RANBP2: variants seen among roughly 807,000 people sequenced by gnomAD.
RANBP2 encodes E3 SUMO-protein ligase RanBP2.
A neutral mutation model predicts 303.6 loss-of-function variants in RANBP2; 57 were observed. The observed-to-expected ratio is 0.19, with a 90% CI of 0.15 to 0.23. The LOEUF is 0.23. Among genes scored for constraint, RANBP2 ranks in the 10% least tolerant of loss-of-function variants. RANBP2 has a pLI of 1.00. For synonymous variants in RANBP2, 1,167 were observed against 1,301.5 expected (o/e 0.90, Z 2.23); for missense variants, 3,138 against 3,780.8 (o/e 0.83, Z 4.46).
chr2:109,041,685 CTTTTT>C, the RANBP2 span, among the ~76,000 whole-genome samples: 5 of 82,046 alleles, frequency 6.1e-5, no homozygotes, highest in African/African-American at 2.3e-4. Flanking sequence ...CCATGCCCGG[CTTTTT>C]TTTTTTTTTT....
the RANBP2 span, among the ~76,000 whole-genome samples, chr2:109,452,639 GAGA>G: frequency 6.6e-6 from 1 of 152,200 alleles, no homozygotes; most frequent in Non-Finnish European, 1.5e-5. Context: ...CCTGTGTGTG[GAGA>G]AGGAAGAAGC....
At chr2:109,727,761 C>A in the RANBP2 span, among the ~76,000 whole-genome samples, 9 of 152,186 alleles carry the variant, frequency 5.9e-5, no homozygotes, top group Non-Finnish European at 1.3e-4. Context: ...AATAATTAAT[C>A]CAGATGCCTG....
chr2:109,508,869 G>A, the RANBP2 span, among the ~76,000 whole-genome samples: 1 of 152,212 alleles, frequency 6.6e-6, no homozygotes, highest in Non-Finnish European at 1.5e-5. Flanking sequence ...CGTGTGGGTA[G>A]TCATGGACTC....
the RANBP2 span, among the ~76,000 whole-genome samples, chr2:109,472,084 T>G: frequency 6.6e-6 from 1 of 152,254 alleles, no homozygotes; most frequent in African/African-American, 2.4e-5. Flanking sequence ...TCCCATCCTT[T>G]TCTAATTATT....
chr2:108,812,562 T>C, the RANBP2 span: 1 of 1,146,166 alleles, frequency 8.7e-7, no homozygotes, highest in Non-Finnish European at 1.3e-6. Flanking sequence ...AGATAGTAGA[T>C]TGGGAAACCC....
the RANBP2 span, among the ~76,000 whole-genome samples, chr2:109,535,793 G>T: frequency 6.6e-6 from 1 of 152,182 alleles, no homozygotes; most frequent in Non-Finnish European, 1.5e-5. Context: ...GTACACACAA[G>T]TAAATGTCAG....
the RANBP2 span, among the ~76,000 whole-genome samples, chr2:109,088,827 A>G: frequency 6.6e-5 from 10 of 152,196 alleles, no homozygotes; most frequent in Non-Finnish European, 1.5e-4. Flanking sequence ...TGTCTTTAGT[A>G]AAAGAAAAAA....
the RANBP2 span, chr2:109,545,302 G>A: frequency 2.1e-6 from 3 of 1,442,794 alleles, no homozygotes; most frequent in Non-Finnish European, 1.8e-6. Flanking sequence ...ATAAAACAAG[G>A]GACACAAAGT....
At chr2:109,103,407 C>T in the RANBP2 span, among the ~76,000 whole-genome samples, 1 of 152,088 alleles carries the variant, frequency 6.6e-6, no homozygotes, top group South Asian at 2.1e-4. Context: ...CAAGCTATAA[C>T]CCATGGAGAC....
the RANBP2 span, among the ~76,000 whole-genome samples, chr2:109,437,982 A>G: frequency 6.6e-6 from 1 of 152,162 alleles, no homozygotes; most frequent in Non-Finnish European, 1.5e-5. Flanking sequence ...TCCCACCCCA[A>G]CCCTGTCCTC....
At chr2:109,178,839 T>C in the RANBP2 span, among the ~76,000 whole-genome samples, 10 of 152,218 alleles carry the variant, frequency 6.6e-5, no homozygotes, top group African/African-American at 2.4e-4. Context: ...GAAATGAATA[T>C]GGACATATTC....
chr2:109,101,646 G>C, the RANBP2 span, among the ~76,000 whole-genome samples: 1 of 152,184 alleles, frequency 6.6e-6, no homozygotes, highest in Non-Finnish European at 1.5e-5. Flanking sequence ...CAAAGATAAA[G>C]ATCCAGAAGC....
At chr2:108,753,208 A>G (rs1350105751) in intron 13 of RANBP2, 49 bp downstream of exon 13, 5 of 1,611,328 alleles carry the variant, frequency 3.1e-6, no homozygotes, top group African/African-American at 1.3e-5. Flanking sequence ...TTTCCAGTTT[A>G]TAAACAAAGA....
the RANBP2 span, among the ~76,000 whole-genome samples, chr2:109,040,885 A>G: frequency 6.6e-6 from 1 of 151,950 alleles, no homozygotes; most frequent in Non-Finnish European, 1.5e-5. Context: ...GAAACCCCGT[A>G]TCTACTAAAA....
At chr2:109,462,798 T>C in the RANBP2 span, among the ~76,000 whole-genome samples, 3 of 152,112 alleles carry the variant, frequency 2.0e-5, no homozygotes, top group African/African-American at 7.2e-5. Context: ...ATACTTGAAC[T>C]GTTGTGAGAA....
intron 12 of RANBP2, 68 bp downstream of exon 12, chr2:108,752,062 T>C: frequency 6.2e-7 from 1 of 1,601,952 alleles, no homozygotes; most frequent in Non-Finnish European, 8.5e-7. Context: ...GAACTTTTTA[T>C]TGAAAGTTTT....
intron 24 of RANBP2, among the ~76,000 whole-genome samples, chr2:108,776,359 C>G (rs1393573886): frequency 6.6e-6 from 1 of 152,048 alleles, no homozygotes; most frequent in Non-Finnish European, 1.5e-5. Flanking sequence ...TTAAATGTTT[C>G]TTATTTTCTC....
chr2:109,621,057 T>C, the RANBP2 span, among the ~76,000 whole-genome samples: 1 of 152,254 alleles, frequency 6.6e-6, no homozygotes, highest in East Asian at 1.9e-4. Context: ...ATATTCATTC[T>C]GACCAAAGCT....
At chr2:108,994,324 T>G in the RANBP2 span, among the ~76,000 whole-genome samples, 1 of 152,096 alleles carries the variant, frequency 6.6e-6, no homozygotes, top group South Asian at 2.1e-4. Flanking sequence ...CTCTCTCTGC[T>G]CCCCAGCCAG....
Sources: gnomAD v4.1 joint callset for allele counts (sites outside exome capture counted in the v4.1 genomes callset) on GRCh38, gnomAD v4.1.1 for gene constraint, MANE v1.5 for transcripts, NCBI Gene and HGNC (gene_info 2026-07-23, HGNC 2026-07-21) for gene names.